LOC400499: variants seen among roughly 807,000 people sequenced by gnomAD.
the LOC400499 span, among the ~76,000 whole-genome samples, chr16:11,522,331 A>G: frequency 2.0e-5 from 3 of 152,232 alleles, no homozygotes; most frequent in Non-Finnish European, 2.9e-5. Context: ...AGTACTAGCC[A>G]GTGTCATCAT....
At chr16:11,376,447 A>G in the LOC400499 span, among the ~76,000 whole-genome samples, 1 of 152,020 alleles carries the variant, frequency 6.6e-6, no homozygotes, top group African/African-American at 2.4e-5. Flanking sequence ...TTGTTGAAAG[A>G]CTGTCCTTTC....
chr16:11,382,229 C>A, the LOC400499 span, among the ~76,000 whole-genome samples: 1 of 152,242 alleles, frequency 6.6e-6, no homozygotes, highest in African/African-American at 2.4e-5. Context: ...TAAGCCACCA[C>A]ACCCGGCATT....
At chr16:11,473,963 T>C in the LOC400499 span, among the ~76,000 whole-genome samples, 1 of 152,148 alleles carries the variant, frequency 6.6e-6, no homozygotes, top group Non-Finnish European at 1.5e-5. Flanking sequence ...TCAAGCGGAC[T>C]TCCTGTCAGC....
the LOC400499 span, chr16:11,447,948 C>T: frequency 6.5e-7 from 1 of 1,535,624 alleles, no homozygotes; most frequent in Admixed American, 2.0e-5. Context: ...GGAGCAAGGC[C>T]CCCCGTTTCC....
chr16:11,400,998 G>A, the LOC400499 span, among the ~76,000 whole-genome samples: 6 of 152,154 alleles, frequency 3.9e-5, no homozygotes, highest in Non-Finnish European at 7.3e-5. Flanking sequence ...AATCAGAGAC[G>A]CCTGTACCTG....
At chr16:11,395,779 G>A in the LOC400499 span, among the ~76,000 whole-genome samples, 1 of 152,210 alleles carries the variant, frequency 6.6e-6, no homozygotes, top group Non-Finnish European at 1.5e-5. Flanking sequence ...AGACAGAGGA[G>A]GTGGATGGAA....
At chr16:11,427,487 C>T in the LOC400499 span, among the ~76,000 whole-genome samples, 1 of 152,004 alleles carries the variant, frequency 6.6e-6, no homozygotes, top group African/African-American at 2.4e-5. Context: ...TTCTGTTGCC[C>T]AGGCTGGAAT....
chr16:11,518,987 C>T, the LOC400499 span: 5 of 398,944 alleles, frequency 1.3e-5, no homozygotes, highest in South Asian at 3.8e-4. Context: ...CACAAAGCAC[C>T]GTGAGTTGGT....
the LOC400499 span, among the ~76,000 whole-genome samples, chr16:11,497,997 T>C: frequency 1.3e-5 from 2 of 152,172 alleles, no homozygotes. Context: ...ATTAAGCTGA[T>C]TTCACTTTTC....
chr16:11,374,245 T>C, the LOC400499 span, among the ~76,000 whole-genome samples: 108 of 152,344 alleles, frequency 7.1e-4, 4 homozygotes, highest in South Asian at 0.022. Context: ...TGTTTGGTTT[T>C]ATAACTATGG....
chr16:11,424,432 G>T, the LOC400499 span: 2 of 398,880 alleles, frequency 5.0e-6, no homozygotes, highest in Non-Finnish European at 8.8e-6. Context: ...ATGGGAACAT[G>T]ACGGGGGCCT....
the LOC400499 span, among the ~76,000 whole-genome samples, chr16:11,507,985 G>A: frequency 3.9e-5 from 6 of 152,236 alleles, no homozygotes; most frequent in African/African-American, 1.2e-4. Context: ...ATATGTCCAT[G>A]TCCTAAGCCC....
At chr16:11,437,436 G>A in the LOC400499 span, among the ~76,000 whole-genome samples, 2 of 152,216 alleles carry the variant, frequency 1.3e-5, no homozygotes, top group African/African-American at 4.8e-5. Context: ...GCATGCACCT[G>A]TAGTCCCAGC....
chr16:11,402,994 A>C, the LOC400499 span, among the ~76,000 whole-genome samples: 898 of 151,990 alleles, frequency 5.9e-3, 15 homozygotes, highest in African/African-American at 0.02. Flanking sequence ...GTGACACCCC[A>C]TAGCTGAGTC....
At chr16:11,390,518 G>A in the LOC400499 span, 1 of 1,220,780 alleles carries the variant, frequency 8.2e-7, no homozygotes, top group Non-Finnish European at 1.0e-6. Context: ...CAGAGAACCA[G>A]CCCTGCCCAG....
the LOC400499 span, among the ~76,000 whole-genome samples, chr16:11,419,162 T>G: frequency 1.4e-5 from 2 of 147,768 alleles, no homozygotes; most frequent in Non-Finnish European, 3.0e-5. Flanking sequence ...CAAAACTCTG[T>G]CTCAAAAAAA....
chr16:11,468,285 C>A, the LOC400499 span, among the ~76,000 whole-genome samples: 1 of 152,176 alleles, frequency 6.6e-6, no homozygotes, highest in Non-Finnish European at 1.5e-5. Flanking sequence ...AAATTTGGGA[C>A]ATGGCATGCT....
At chr16:11,507,109 A>G in the LOC400499 span, among the ~76,000 whole-genome samples, 8 of 152,186 alleles carry the variant, frequency 5.3e-5, no homozygotes, top group African/African-American at 1.9e-4. Context: ...CACCCCTGCC[A>G]GGGGAAATGT....
chr16:11,492,003 C>T, the LOC400499 span, among the ~76,000 whole-genome samples: 1 of 152,134 alleles, frequency 6.6e-6, no homozygotes, highest in Non-Finnish European at 1.5e-5. Flanking sequence ...ACCTGTGGCG[C>T]AGCTGTGGGA....
Sources: gnomAD v4.1 joint callset for allele counts (sites outside exome capture counted in the v4.1 genomes callset) on GRCh38, gnomAD v4.1.1 for gene constraint, MANE v1.5 for transcripts.